DLG2: variants seen among roughly 807,000 people sequenced by gnomAD.
The protein encoded by DLG2 is disks large homolog 2.
In DLG2, 45 loss-of-function variants were observed where a neutral mutation model predicts 132.5. The ratio of observed to expected loss-of-function variants is 0.34; its 90% confidence interval spans 0.27 to 0.44. DLG2 has a LOEUF of 0.44. Among genes scored for constraint, DLG2 ranks in the 20% least tolerant of loss-of-function variants. DLG2 has a pLI of 1.00. For missense variants in DLG2, 1,045 were observed against 1,196.9 expected, an observed-to-expected ratio of 0.87 and a Z score of 1.87; for synonymous variants, 424 against 419.6, an observed-to-expected ratio of 1.01 and a Z score of -0.13.
intron 6 of DLG2, among the ~76,000 whole-genome samples, chr11:84,642,033 C>T (rs1350990963): frequency 2.1e-5 from 3 of 146,136 alleles, no homozygotes; most frequent in South Asian, 4.4e-4. Context: ...CACACACACA[C>T]ATGCATACGT....
intron 7 of DLG2, among the ~76,000 whole-genome samples, chr11:84,429,911 A>C (rs1402715241): frequency 1.3e-5 from 2 of 152,222 alleles, no homozygotes. Context: ...GGCTATCTGG[A>C]TACCTGGTTT....
At chr11:85,045,612 T>C (rs1266136709) in intron 6 of DLG2, among the ~76,000 whole-genome samples, 1 of 152,114 alleles carries the variant, frequency 6.6e-6, no homozygotes, top group African/African-American at 2.4e-5. Context: ...TAATCTTTTA[T>C]TATTGCACCT....
At chr11:84,034,538 C>A (rs1015427390) in intron 11 of DLG2, among the ~76,000 whole-genome samples, 13 of 152,092 alleles carry the variant, frequency 8.5e-5, no homozygotes, top group African/African-American at 2.9e-4. Flanking sequence ...ACTATAATAA[C>A]CTTTCAGTGA....
intron 7 of DLG2, among the ~76,000 whole-genome samples, chr11:84,480,993 C>T (rs1255507447): frequency 6.6e-6 from 1 of 151,948 alleles, no homozygotes; most frequent in Non-Finnish European, 1.5e-5. Context: ...CCCACCTCGG[C>T]CTCCCAAAGT....
intron 6 of DLG2, among the ~76,000 whole-genome samples, chr11:84,691,032 T>C (rs147001880): frequency 6.6e-6 from 1 of 152,034 alleles, no homozygotes; most frequent in African/African-American, 2.4e-5. Flanking sequence ...ATCATATCTA[T>C]GTTCTTTTTA....
intron 6 of DLG2, among the ~76,000 whole-genome samples, chr11:84,755,484 C>G (rs532433609): frequency 7.8e-4 from 119 of 152,314 alleles, no homozygotes; most frequent in Non-Finnish European, 1.5e-3. Flanking sequence ...AGTGTAGTGG[C>G]ACAACCTCGG....
intron 7 of DLG2, among the ~76,000 whole-genome samples, chr11:84,397,675 T>G (rs1310895347): frequency 6.6e-6 from 1 of 152,234 alleles, no homozygotes; most frequent in African/African-American, 2.4e-5. Context: ...AACATTGACG[T>G]GAGAGCTATA....
intron 7 of DLG2, among the ~76,000 whole-genome samples, chr11:84,362,015 T>C (rs942579113): frequency 1.3e-5 from 2 of 151,852 alleles, no homozygotes; most frequent in Admixed American, 6.6e-5. Context: ...AGAAAGCAAA[T>C]AGCAAGATAA....
chr11:83,678,113 A>G (rs552867979), intron 18 of DLG2, among the ~76,000 whole-genome samples: 2 of 152,310 alleles, frequency 1.3e-5, no homozygotes, highest in East Asian at 3.9e-4. Flanking sequence ...AATCCAGCCA[A>G]TCCTAAAATT....
At chr11:84,443,494 A>G (rs1428137666) in intron 7 of DLG2, among the ~76,000 whole-genome samples, 1 of 152,184 alleles carries the variant, frequency 6.6e-6, no homozygotes, top group African/African-American at 2.4e-5. Flanking sequence ...ATTGTTCTCC[A>G]GTTGCCATTA....
At chr11:84,142,640 T>C (rs1202679097) in intron 9 of DLG2, among the ~76,000 whole-genome samples, 1 of 152,096 alleles carries the variant, frequency 6.6e-6, no homozygotes, top group African/African-American at 2.4e-5. Flanking sequence ...ATCCAATCTG[T>C]TGAGGTCCCA....
At chr11:84,957,065 T>A (rs533371051) in intron 6 of DLG2, among the ~76,000 whole-genome samples, 1 of 152,200 alleles carries the variant, frequency 6.6e-6, no homozygotes, top group East Asian at 1.9e-4. Context: ...CTAAGAACTA[T>A]GAATTAACTA....
At chr11:84,834,607 T>C (rs781023375) in intron 6 of DLG2, among the ~76,000 whole-genome samples, 5 of 151,076 alleles carry the variant, frequency 3.3e-5, no homozygotes, top group African/African-American at 1.2e-4. Context: ...TAAAGAAAAA[T>C]AGCAATGAAA....
intron 6 of DLG2, among the ~76,000 whole-genome samples, chr11:85,060,710 T>C (rs1179527989): frequency 6.6e-6 from 1 of 151,738 alleles, no homozygotes; most frequent in African/African-American, 2.4e-5. Context: ...GTGAGATTGG[T>C]GGGTCATATG....
intron 6 of DLG2, among the ~76,000 whole-genome samples, chr11:85,005,809 T>C (rs936431526): frequency 6.6e-6 from 1 of 152,198 alleles, no homozygotes; most frequent in African/African-American, 2.4e-5. Flanking sequence ...TTGTGCCGGA[T>C]TTCAAAGGAA....
intron 6 of DLG2, among the ~76,000 whole-genome samples, chr11:84,920,734 C>T (rs1211063315): frequency 6.6e-6 from 1 of 151,730 alleles, no homozygotes; most frequent in African/African-American, 2.4e-5. Context: ...TGTGTCTATA[C>T]TAGTGGTCCA....
chr11:85,061,822 G>T (rs2064174770), intron 6 of DLG2, among the ~76,000 whole-genome samples: 1 of 151,806 alleles, frequency 6.6e-6, no homozygotes, highest in Admixed American at 6.6e-5. Context: ...ACTAAGGATT[G>T]ACCCCATTAA....
intron 15 of DLG2, among the ~76,000 whole-genome samples, chr11:83,904,603 T>C (rs944169088): frequency 6.6e-6 from 1 of 152,178 alleles, no homozygotes; most frequent in Non-Finnish European, 1.5e-5. Flanking sequence ...GATATTTGTA[T>C]AGTATACAGC....
At chr11:83,728,895 T>C (rs1295261056) in intron 18 of DLG2, among the ~76,000 whole-genome samples, 1 of 152,278 alleles carries the variant, frequency 6.6e-6, no homozygotes, top group African/African-American at 2.4e-5. Flanking sequence ...CACAGTTGTC[T>C]TGCCCAGGAA....
Sources: gnomAD v4.1 joint callset for allele counts (sites outside exome capture counted in the v4.1 genomes callset) on GRCh38, gnomAD v4.1.1 for gene constraint, MANE v1.5 for transcripts, NCBI Gene and HGNC (gene_info 2026-07-23, HGNC 2026-07-21) for gene names.